The following RSF1 variants were observed in gnomAD, a reference collection of about 807,000 sequenced individuals.
RSF1 encodes the protein remodeling and spacing factor 1.
Under a neutral mutation model 145.2 loss-of-function variants are expected in RSF1, and 13 were observed. The ratio of observed to expected loss-of-function variants is 0.09; its 90% CI spans 0.06 to 0.14. RSF1 has a LOEUF of 0.14. Among genes scored for constraint, RSF1 ranks in the 10% least tolerant of loss-of-function variants. RSF1 has a pLI of 1.00. For synonymous variants in RSF1, 577 were observed against 592.6 expected (o/e 0.97, Z 0.38); for missense variants, 1,517 against 1,718.2 (o/e 0.88, Z 2.07).
chr11:77,672,190 T>G lies in RSF1; in HGVS notation c.3603A>C (p.Glu1201Asp). The change falls in exon 15 of 16, where the codon GAA becomes GAC. Residue 1201 changes from glutamate to aspartate, a missense_variant. Around this residue, in one of 12 missense-constraint regions of RSF1, gnomAD observed 231 missense variants for 276.6 expected, o/e 0.84. Transcript: ENST00000308488. ...TTCTCCTTGACCGCCTTCGCCGAGT[T>G]TCTACAAAATCATCACTAAAATCAT... is the stretch of plus-strand genomic sequence containing the variant. ...FSDDFSDDFV[E>D]TRRRRSRRNQ... 1 of 1,610,182 alleles carries G rather than the reference T, an allele frequency of 6.2e-7. No homozygotes were observed. Among genetic ancestry groups the G allele is most frequent in the Non-Finnish European group, 8.5e-7 (1 of 1,179,012 alleles).
chr11:77,761,354 CACTT>C (rs1350756000), intron 2 of RSF1, among the ~76,000 whole-genome samples: 3 of 152,064 alleles, frequency 2.0e-5, no homozygotes, highest in Non-Finnish European at 4.4e-5. Flanking sequence ...TTCTTTGAAA[CACTT>C]ACTACATTCA....
the RSF1 span, among the ~76,000 whole-genome samples, chr11:77,838,905 C>T: frequency 2.0e-5 from 3 of 152,158 alleles, no homozygotes; most frequent in South Asian, 2.1e-4. Flanking sequence ...CGTGAGCCAC[C>T]GCGCCCAGCA....
the RSF1 span, among the ~76,000 whole-genome samples, chr11:77,844,406 A>C: frequency 0.017 from 2,526 of 152,004 alleles, 69 homozygotes; most frequent in African/African-American, 0.058. Flanking sequence ...TCTGTCGTCC[A>C]GGCTAGAGTG....
chr11:77,739,934 A>G (rs1397268575), intron 4 of RSF1, among the ~76,000 whole-genome samples: 2 of 152,262 alleles, frequency 1.3e-5, no homozygotes, highest in African/African-American at 4.8e-5. Flanking sequence ...GATTTTTAAA[A>G]AGAGAACTAT....
In RSF1 at chr11:77,812,187, A is replaced by G. The variant is rs184760571; in HGVS notation, c.187+8341T>C. 5.2e-3 allele frequency among the ~76,000 whole-genome samples: 786 copies of G among 152,292 alleles called. 9 individuals carry two copies. Among genetic ancestry groups the G allele is most frequent in the Middle Eastern group, 0.02 (6 of 294 alleles). ...GAGTGAGACCCTGTCTATAAAAATA[A>G]GAGTACATAAATACAAGCAGAAATT... On this transcript the variant is annotated intron_variant, in intron 1 of 15. Coordinates refer to ENST00000308488, the MANE Select transcript of RSF1 (RefSeq NM_016578.4).
At chr11:77,770,331 G>T (rs768326571) in intron 1 of RSF1, among the ~76,000 whole-genome samples, 1 of 152,082 alleles carries the variant, frequency 6.6e-6, no homozygotes, top group Non-Finnish European at 1.5e-5. Context: ...GTGTGGTGGC[G>T]TGCACCTGTA....
At chr11:77,702,877 A>G (rs983085371) in intron 5 of RSF1, 4 of 154,824 alleles carry the variant, frequency 2.6e-5, no homozygotes, top group African/African-American at 9.6e-5. Flanking sequence ...AAAACTGACA[A>G]CTGTTAAAAG....
the RSF1 span, among the ~76,000 whole-genome samples, chr11:77,858,299 A>G: frequency 1.1e-5 from 1 of 91,556 alleles, no homozygotes; most frequent in East Asian, 3.2e-4. Context: ...CGTTTAAGCA[A>G]TTCTTTTTTT....
At chr11:77,683,966 A>G in intron 10 of RSF1, 147 bp from the exon 11 acceptor site, 1 of 584,134 alleles carries the variant, frequency 1.7e-6, no homozygotes, top group Non-Finnish European at 3.0e-6. Flanking sequence ...GTGAATAAAC[A>G]TGGCAACACT....
At chr11:77,841,424 A>G in the RSF1 span, among the ~76,000 whole-genome samples, 1 of 152,128 alleles carries the variant, frequency 6.6e-6, no homozygotes, top group Admixed American at 6.5e-5. Context: ...CTTGGTGTGT[A>G]TATAGCTTAG....
At chr11:77,695,669 A>G (rs1960262286) in intron 7 of RSF1, among the ~76,000 whole-genome samples, 1 of 152,038 alleles carries the variant, frequency 6.6e-6, no homozygotes, top group African/African-American at 2.4e-5. Context: ...CCTTAGAACC[A>G]ACCATTTCTT....
At chr11:77,684,043 G>A (rs755284415) in intron 10 of RSF1, among the ~76,000 whole-genome samples, 9 of 152,088 alleles carry the variant, frequency 5.9e-5, no homozygotes, top group Non-Finnish European at 1.2e-4. Context: ...AAATTCTGAC[G>A]CTTTTGTGAG....
chr11:77,704,779 T>G (rs1235648310), intron 5 of RSF1, among the ~76,000 whole-genome samples: 1 of 142,252 alleles, frequency 7.0e-6, no homozygotes, highest in Non-Finnish European at 1.5e-5. Flanking sequence ...TGAGACGAAG[T>G]TTCGCTCTTG....
chr11:77,793,883 G>A (rs1201388111), intron 1 of RSF1, among the ~76,000 whole-genome samples: 2 of 152,066 alleles, frequency 1.3e-5, no homozygotes, highest in Non-Finnish European at 2.9e-5. Flanking sequence ...GCTCTCAGGG[G>A]TAGCTATACA....
At chr11:77,693,682 A>C in intron 7 of RSF1, 71 bp from the exon 8 acceptor site, 1 of 1,040,136 alleles carries the variant, frequency 9.6e-7, no homozygotes, top group Non-Finnish European at 1.5e-6. Flanking sequence ...AAGACGTTTC[A>C]ATATCTCTGA....
At chr11:77,790,000 C>T (rs1948501251) in intron 1 of RSF1, among the ~76,000 whole-genome samples, 1 of 152,200 alleles carries the variant, frequency 6.6e-6, no homozygotes, top group African/African-American at 2.4e-5. Flanking sequence ...AACACCAGTA[C>T]ACACTGCTCA....
intron 3 of RSF1, among the ~76,000 whole-genome samples, chr11:77,741,704 G>A (rs1947941273): frequency 6.6e-6 from 1 of 152,054 alleles, no homozygotes; most frequent in African/African-American, 2.4e-5. Context: ...TTGGTGGTGA[G>A]AACATTTAAA....
the RSF1 span, among the ~76,000 whole-genome samples, chr11:77,864,733 C>T: frequency 1.1e-4 from 17 of 152,152 alleles, no homozygotes; most frequent in Non-Finnish European, 1.9e-4. Context: ...AATCTCAACA[C>T]GTTGGGAGAC....
chr11:77,754,233 T>TA (rs766316639), intron 2 of RSF1, among the ~76,000 whole-genome samples: 1 of 151,700 alleles, frequency 6.6e-6, no homozygotes, highest in African/African-American at 2.4e-5. Context: ...ATGCTGAAAA[T>TA]AAAAAAGAGT....
Sources: gnomAD v4.1 joint callset for allele counts (sites outside exome capture counted in the v4.1 genomes callset) on GRCh38, gnomAD v4.1.1 for gene constraint, gnomAD v4.1.1 regional missense constraint, MANE v1.5 for transcripts, NCBI Gene and HGNC (gene_info 2026-07-23, HGNC 2026-07-21) for gene names.